Variants in NLRP2 observed in about 807,000 individuals in gnomAD.
NLRP2 encodes the protein NLR family pyrin domain containing 2.
In NLRP2, 107 loss-of-function variants were observed where a neutral mutation model predicts 97.2. The observed-to-expected ratio is 1.10, with a 90% CI of 0.94 to 1.29. The LOEUF is 1.29. Among genes scored for constraint, NLRP2 ranks in the 50% most tolerant of loss-of-function variants. NLRP2 has a pLI of 0.00. For missense variants in NLRP2, 1,495 were observed against 1,330.3 expected (o/e 1.12, Z -1.93); for synonymous variants, 663 against 551.5 (o/e 1.20, Z -2.83).
At chr19:54,973,751 T>G in intron 2 of NLRP2, 3 of 496,680 alleles carry the variant, frequency 6.0e-6, no homozygotes, top group South Asian at 4.6e-5. Context: ...AGTTGTAAAC[T>G]TACGAAGGTC....
chr19:54,986,992 C>T (rs139856103), intron 8 of NLRP2, among the ~76,000 whole-genome samples: 2,844 of 152,178 alleles, frequency 0.019, 168 homozygotes, highest in Admixed American at 0.13. Context: ...TCAAGTGATT[C>T]TCCTGCCTCA....
In NLRP2 at chr19:54,981,410, A is replaced by AC. The variant is rs1413806314; in HGVS notation, c.398-203dup. Among the ~76,000 whole-genome samples, 7 of 151,458 alleles carry AC rather than the reference A, an allele frequency of 4.6e-5. No individual in the cohort carries two copies. In the East Asian group the frequency reaches 5.9e-4, roughly 13 times the overall value. On this transcript the variant is annotated intron_variant, in intron 4 of 12. Coordinates refer to ENST00000448584, the MANE Select transcript of NLRP2 (RefSeq NM_017852.5). ...TCGAACTCCTGAGCTCAAGTGATCC[A>AC]CCCCACCTCAGCCTCCCAAAGTTCT... is the stretch of plus-strand genomic sequence containing the variant.
In NLRP2 at chr19:54,982,455, C is replaced by A. The variant is rs1295028324; in HGVS notation, c.757C>A (p.Leu253Met). ...CCTCAGCTGCAGGGAGCTCAGCCGC[C>A]TGGGCCCGTGCAGTTTTGCAGAGCT... Reference protein sequence around the residue: ...FYLSCRELSRLGPCSFAELVF... With the variant: ...FYLSCRELSRMGPCSFAELVF... Residue 253 changes from leucine (L) to methionine (M), a missense_variant, in exon 6 of 13, where the codon CTG becomes ATG. Leu to Met is a conservative substitution (Grantham distance 15). Transcript: ENST00000448584. The A allele has an allele frequency of 1.9e-6, 3 of 1,614,214 alleles. No homozygotes were observed. Among genetic ancestry groups the A allele is most frequent in the Middle Eastern group, 1.6e-4 (1 of 6,062 alleles).
chr19:54,995,161 T>G (rs1190656485), intron 11 of NLRP2, among the ~76,000 whole-genome samples: 1 of 146,738 alleles, frequency 6.8e-6, no homozygotes, highest in Admixed American at 6.8e-5. Flanking sequence ...AATATAAAAA[T>G]TAGCCGAGCA....
intron 3 of NLRP2, among the ~76,000 whole-genome samples, chr19:54,975,745 C>T (rs1448811402): frequency 6.6e-6 from 1 of 152,046 alleles, no homozygotes; most frequent in African/African-American, 2.4e-5. Flanking sequence ...AGCCACCGCG[C>T]CCGGCCCCTG....
At position 54,970,057 on chromosome 19, in the gene NLRP2, C is replaced by T. The variant is rs2070743760; in HGVS notation, c.42C>T (p.Leu14=). Residue 14 remains leucine (L), a synonymous_variant, in exon 2 of 13, where the codon CTC becomes CTT. Transcript: ENST00000448584. ...SAQMGFNLQA[L]LEQLSQDELS... ...AGATGGGCTTCAACCTGCAGGCTCT[C>T]CTGGAGCAGCTCAGCCAGGATGAGT... The T allele has an allele frequency of 6.2e-7, 1 of 1,614,016 alleles. No individual in the cohort carries two copies. Among genetic ancestry groups the T allele is most frequent in the Non-Finnish European group, 8.5e-7 (1 of 1,180,024 alleles).
At chr19:55,000,674 C>G (rs2073137072) in intron 12 of NLRP2, 86 bp from the exon 13 acceptor site, 1 of 1,419,782 alleles carries the variant, frequency 7.0e-7, no homozygotes, top group South Asian at 1.2e-5. Flanking sequence ...CCCTGTGCCT[C>G]CTTAACAGAC....
chr19:54,983,424 C>T lies in NLRP2; in HGVS notation c.1726C>T (p.Arg576Trp), dbSNP rs763371878. 2.0e-5 allele frequency: 32 copies of T among 1,614,134 alleles called. No individual in the cohort carries two copies. The highest frequency in any genetic ancestry group is 2.4e-5 in the Non-Finnish European group (28 of 1,180,036). The part of the protein sequence containing the change: ...AKELEATFGC[R>W]MSPDIKQELL... Reference sequence around the variant, plus strand: ...GGAGTTGGAGGCCACTTTTGGCTGCCGGATGTCACCGGACATCAAACAGGA... The same window carrying T: ...GGAGTTGGAGGCCACTTTTGGCTGCTGGATGTCACCGGACATCAAACAGGA... The change falls in exon 6 of 13, where the codon CGG (arginine) becomes TGG (tryptophan). Residue 576 changes from arginine (R) to tryptophan (W), a missense_variant. By Grantham distance (101) the Arg-to-Trp change is moderately radical (BLOSUM62 -3). Transcript: ENST00000448584.
intron 6 of NLRP2, among the ~76,000 whole-genome samples, chr19:54,984,103 C>T (rs1049471459): frequency 6.9e-6 from 1 of 143,930 alleles, no homozygotes; most frequent in Non-Finnish European, 1.6e-5. Flanking sequence ...ATCCACCTGC[C>T]TCAGCCTCCA....
At chr19:54,983,794 G>A in intron 6 of NLRP2, 66 bp downstream of exon 6, 2 of 1,593,270 alleles carry the variant, frequency 1.3e-6, no homozygotes, top group Non-Finnish European at 1.7e-6. Context: ...CTTAGGAAGA[G>A]GCCAGAGCCT....
rs371548145 is a variant in NLRP2 at position 54,985,221 on chromosome 19, A to G, written c.2201+4A>G. On this transcript the variant is annotated splice_donor_region_variant and intron_variant, in intron 7 of 12. Coordinates refer to ENST00000448584, the MANE Select transcript of NLRP2 (RefSeq NM_017852.5). Reference sequence around the variant, plus strand: ...CCTGTCATCTCCAGAGAGTGGTGTAAGTAGAAACTAATTCATGAACTCAAA... The same window carrying G: ...CCTGTCATCTCCAGAGAGTGGTGTAGGTAGAAACTAATTCATGAACTCAAA... 90 of 1,613,324 alleles carry G rather than the reference A, an allele frequency of 5.6e-5. No individual in the cohort carries two copies. Among genetic ancestry groups the G allele is most frequent in the Non-Finnish European group, 7.1e-5 (84 of 1,179,570 alleles).
chr19:54,990,527 G>A lies in NLRP2; in HGVS notation c.2563G>A (p.Ala855Thr). Residue 855 changes from alanine to threonine, a missense_variant, in exon 10 of 13, where the codon GCC becomes ACC. By Grantham distance (58) the Ala-to-Thr change is moderately conservative (BLOSUM62 0). Coordinates refer to ENST00000448584, the MANE Select transcript of NLRP2 (RefSeq NM_017852.5). ...GTTGGAAAACTGTCACCTTACAGAAGCCAATTGCAAGGACCTTGCTGCTGT... is the reference window on the plus strand; with the variant it reads ...GTTGGAAAACTGTCACCTTACAGAAACCAATTGCAAGGACCTTGCTGCTGT... ...LSLENCHLTE[A>T]NCKDLAAVLV... The A allele has an allele frequency of 6.2e-7, 1 of 1,614,180 alleles. No individual in the cohort carries two copies. Among genetic ancestry groups the A allele is most frequent in the Non-Finnish European group, 8.5e-7 (1 of 1,180,046 alleles).
In NLRP2 at chr19:54,982,831, C is replaced by G. The variant is rs557761553; in HGVS notation, c.1133C>G (p.Ala378Gly). Residue 378 changes from alanine (A) to glycine (G), a missense_variant, in exon 6 of 13, where the codon GCC (alanine) becomes GGC (glycine). By Grantham distance (60) the Ala-to-Gly change is moderately conservative. Transcript: ENST00000448584. ...AGACACTTTGGAGACGAGGACCAAG[C>G]CATGCGTGCCTTTGAGCTAATGAGG... is the stretch of plus-strand genomic sequence containing the variant. ...FLRHFGDEDQ[A>G]MRAFELMRSN... 2.5e-6 allele frequency: 4 copies of G among 1,613,598 alleles called. No individual in the cohort carries two copies. The highest frequency in any genetic ancestry group is 1.7e-5 in the Admixed American group (1 of 59,996).
At chr19:54,969,856 T>C in intron 1 of NLRP2, 143 bp from the exon 2 acceptor site, 1 of 794,920 alleles carries the variant, frequency 1.3e-6, no homozygotes, top group South Asian at 1.5e-5. Context: ...GGGGTCTCAC[T>C]ATGTTGCCCA....
chr19:54,974,595 C>T (rs756828409), intron 3 of NLRP2, 51 bp downstream of exon 3: 10 of 1,275,784 alleles, frequency 7.8e-6, no homozygotes, highest in Admixed American at 3.4e-5. Flanking sequence ...TCTGGGGACT[C>T]GGGCCTTTGT....
At chr19:54,998,006 T>A (rs1426368775) in intron 12 of NLRP2, among the ~76,000 whole-genome samples, 4 of 150,568 alleles carry the variant, frequency 2.7e-5, no homozygotes. Context: ...GTTTTGGGGT[T>A]TTGTTTTGTT....
chr19:54,971,868 AC>A (rs1388236324), intron 2 of NLRP2, among the ~76,000 whole-genome samples: 1 of 151,990 alleles, frequency 6.6e-6, no homozygotes, highest in Non-Finnish European at 1.5e-5. Flanking sequence ...TCACTCTGTC[AC>A]CCAGGCTGGA....
Position 54,985,086 on chromosome 19 carries a change from C to A in NLRP2, c.2070C>A (p.Asp690Glu). ...DDQHMLPFWT[D>E]LCSIFGSNKD... is the part of the protein sequence containing the mutation. ...AGCACATGCTTCCTTTCTGGACGGA[C>A]CTTTGTTCCATATTTGGATCAAATA... The change falls in exon 7 of 13, where the codon GAC becomes GAA. Residue 690 changes from aspartate (D) to glutamate (E), a missense_variant. By Grantham distance (45) the Asp-to-Glu change is conservative. Transcript: ENST00000448584. The A allele has an allele frequency of 6.2e-7, 1 of 1,614,140 alleles. No homozygotes were observed. The highest frequency in any genetic ancestry group is 1.1e-5 in the South Asian group (1 of 91,088).
rs2217659 is a variant in NLRP2, at chr19:54,974,531, G to A, written c.312G>A (p.Lys104=). The A allele has an allele frequency of 0.17, 268,544 of 1,601,674 alleles. 24,770 individuals carry two copies. The highest frequency in any genetic ancestry group is 0.39 in the East Asian group (17,650 of 44,712). The stretch of plus-strand genomic sequence containing the variant: ...CTTTGAAATCCTTTAATAAAAGGAA[G>A]CCTCTATCATTAGGTAAGTTACCTC... The part of the protein sequence containing the change: ...EAALKSFNKR[K]PLSLGITRKE... The change falls in exon 3 of 13, where the codon AAG becomes AAA. Residue 104 remains lysine, a synonymous_variant. Coordinates refer to ENST00000448584, the MANE Select transcript of NLRP2 (RefSeq NM_017852.5).
Sources: gnomAD v4.1 joint callset for allele counts (sites outside exome capture counted in the v4.1 genomes callset) on GRCh38, gnomAD v4.1.1 for gene constraint, MANE v1.5 for transcripts, NCBI Gene and HGNC (gene_info 2026-07-23, HGNC 2026-07-21) for gene names.